The following NUP214 variants were observed in gnomAD, a reference collection of about 807,000 sequenced individuals.
The protein encoded by NUP214 is nucleoporin 214.
A neutral mutation model predicts 196.2 loss-of-function variants in NUP214; 79 were observed. That is an observed-to-expected ratio of 0.40 (90% CI 0.34 to 0.49). The LOEUF (loss-of-function observed/expected upper bound fraction) is 0.49, where lower values mean the gene tolerates loss of function less well. Among genes scored for constraint, NUP214 ranks in the 20% least tolerant of loss-of-function variants. The pLI, the probability that NUP214 is intolerant of heterozygous loss-of-function variation, is 0.58. For synonymous variants in NUP214, 1,020 were observed against 990.5 expected (o/e 1.03, Z -0.56); for missense variants, 2,468 against 2,539.0 (o/e 0.97, Z 0.60).
chr9:131,199,198 T>G (rs1054187294), intron 29 of NUP214, among the ~76,000 whole-genome samples, 183 bp downstream of exon 29: 1 of 152,248 alleles, frequency 6.6e-6, no homozygotes, highest in Non-Finnish European at 1.5e-5. Flanking sequence ...TGGCTGGATC[T>G]GTTACAGCTT....
rs1588147210 is a variant in NUP214, at chr9:131,175,446, T to C, written c.3158-14T>C. On this transcript the variant is annotated splice_polypyrimidine_tract_variant and intron_variant, in intron 22 of 35. Coordinates refer to ENST00000359428, the MANE Select transcript of NUP214 (RefSeq NM_005085.4). ...CTCTCACCCACTCACACTTAATTTT[T>C]CTTTTCCTCTTAGTGGCTACATCTG... The C allele has an allele frequency of 6.8e-6, 11 of 1,614,038 alleles. No individual in the cohort carries two copies. The highest frequency in any genetic ancestry group is 2.2e-5 in the East Asian group (1 of 44,882).
At chr9:131,220,702 G>A (rs1027421148) in intron 31 of NUP214, among the ~76,000 whole-genome samples, 1 of 152,242 alleles carries the variant, frequency 6.6e-6, no homozygotes, top group African/African-American at 2.4e-5. Flanking sequence ...TGTTCTGTGT[G>A]TGGGGAAACT....
Position 131,162,576 on chromosome 9 carries a change from C to T in NUP214, c.2541-415C>T, listed in dbSNP as rs116165783. Among the ~76,000 whole-genome samples the T allele has an allele frequency of 7.5e-3, 1,137 of 152,236 alleles. 13 individuals are homozygous for T. Among genetic ancestry groups the T allele is most frequent in the African/African-American group, 0.025 (1,057 of 41,548 alleles). On this transcript the variant is annotated intron_variant, in intron 18 of 35. Transcript: ENST00000359428. ...TCTTGACAATAGTCTGAAGAATTAA[C>T]TGACTCCCATAGACTTCCAGTGAAC... is the stretch of plus-strand genomic sequence containing the variant.
intron 24 of NUP214, among the ~76,000 whole-genome samples, chr9:131,182,955 A>C (rs1439769980): frequency 1.8e-4 from 28 of 152,202 alleles, no homozygotes; most frequent in Admixed American, 1.8e-3. Flanking sequence ...ATACTATATT[A>C]CTAAAGAATA....
chr9:131,147,962 G>A (rs778717155), intron 14 of NUP214, among the ~76,000 whole-genome samples: 12 of 152,196 alleles, frequency 7.9e-5, no homozygotes, highest in South Asian at 2.1e-4. Flanking sequence ...CAAGGCGGGC[G>A]GATCACCTGA....
rs1409759745 is a variant in NUP214, at chr9:131,228,284, C to G, written c.6027C>G (p.Gly2009=). ...AFTSPLGSTG[G]KVFGEGTAAA... ...CAAGCCCTCTGGGCTCGACGGGAGGCAAAGTGTTCGGAGAGGGCACTGCAG... is the reference window on the plus strand; with the variant it reads ...CAAGCCCTCTGGGCTCGACGGGAGGGAAAGTGTTCGGAGAGGGCACTGCAG... The change falls in exon 33 of 36, where the codon GGC becomes GGG. Residue 2009 remains glycine, a synonymous_variant. Transcript: ENST00000359428. The G allele has an allele frequency of 5.0e-6, 8 of 1,605,156 alleles. No homozygotes were observed. The highest frequency in any genetic ancestry group is 6.8e-6 in the Non-Finnish European group (8 of 1,176,950).
chr9:131,139,282 T>C lies in NUP214; in HGVS notation c.1007T>C (p.Ile336Thr), dbSNP rs746524024. Residue 336 changes from isoleucine to threonine, a missense_variant and splice_region_variant, in exon 10 of 36, where the codon ATT (isoleucine) becomes ACT (threonine). Around this residue, in one of 5 missense-constraint regions of NUP214, gnomAD observed 392 missense variants for 417.9 expected, o/e 0.94. Transcript: ENST00000359428. ...TTTTTTTTTTTTTTTTTTTTTTAGATTAATTGGGAATCTTGGCTACTGGAG... is the reference window on the plus strand; with the variant it reads ...TTTTTTTTTTTTTTTTTTTTTTAGACTAATTGGGAATCTTGGCTACTGGAG... ...VSILARQSDQ[I>T]NWESWLLEDS... The C allele has an allele frequency of 4.8e-6, 7 of 1,448,414 alleles. No homozygotes were observed. The highest frequency in any genetic ancestry group is 6.4e-6 in the Non-Finnish European group (7 of 1,100,666). The allele number at this position is 1,448,414 out of a possible 1,614,324, so 89.7% of individuals were successfully genotyped here.
chr9:131,176,398 G>A (rs1011485384), intron 23 of NUP214, among the ~76,000 whole-genome samples: 2 of 150,878 alleles, frequency 1.3e-5, no homozygotes, highest in Non-Finnish European at 2.9e-5. Flanking sequence ...ATCACGGCTC[G>A]CTGCAGCCTC....
intron 23 of NUP214, 195 bp downstream of exon 23, chr9:131,175,816 A>T: frequency 1.3e-6 from 1 of 783,830 alleles, no homozygotes. Context: ...CTTTGCTTTT[A>T]AGGGGAGGGA....
In NUP214 at chr9:131,163,017, C is replaced by T. The variant is rs1353457735; in HGVS notation, c.2567C>T (p.Thr856Ile). 2 of 1,614,162 alleles carry T rather than the reference C, an allele frequency of 1.2e-6. No individual in the cohort carries two copies. The highest frequency in any genetic ancestry group is 2.2e-5 in the East Asian group (1 of 44,892). ...CACCTGCTTGTGCCAGAGCGAGAGACACTGTTTAACACCCTAGCCAACAAT... is the reference window on the plus strand; with the variant it reads ...CACCTGCTTGTGCCAGAGCGAGAGATACTGTTTAACACCCTAGCCAACAAT... ...QRHLLVPERE[T>I]LFNTLANNRE... is the part of the protein sequence containing the mutation. Residue 856 changes from threonine to isoleucine, a missense_variant, in exon 19 of 36, where the codon ACA becomes ATA. Transcript: ENST00000359428.
At chr9:131,156,293 C>T (rs753918342) in intron 17 of NUP214, among the ~76,000 whole-genome samples, 11 of 152,008 alleles carry the variant, frequency 7.2e-5, no homozygotes, top group Non-Finnish European at 1.3e-4. Flanking sequence ...CCACCACGCC[C>T]GGCTAATTTT....
Position 131,127,585 on chromosome 9 carries a change from A to G in NUP214, c.107A>G (p.Lys36Arg), listed in dbSNP as rs934461763. 6.2e-7 allele frequency: 1 copy of G among 1,614,040 alleles called. No homozygotes were observed. The highest frequency in any genetic ancestry group is 1.3e-5 in the African/African-American group (1 of 74,924). ...RIFDSPEELP[K>R]ERSSLLAVSN... ...TTTGACTCCCCTGAGGAATTGCCCA[A>G]GGAACGCTCGAGTCTGCTTGCTGTG... is the stretch of plus-strand genomic sequence containing the variant. Residue 36 changes from lysine to arginine, a missense_variant, in exon 2 of 36, where the codon AAG becomes AGG. Coordinates refer to ENST00000359428, the MANE Select transcript of NUP214 (RefSeq NM_005085.4).
intron 24 of NUP214, among the ~76,000 whole-genome samples, chr9:131,186,069 T>G (rs1286755383): frequency 6.6e-6 from 1 of 152,238 alleles, no homozygotes; most frequent in Non-Finnish European, 1.5e-5. Context: ...TAAGCAAGTC[T>G]GCTGTGTCTG....
chr9:131,127,557 A>C lies in NUP214; in HGVS notation c.79A>C (p.Ile27Leu). ...FQFRALKKVR[I>L]FDSPEELPKE... ...GTTTAGAGCGCTAAAGAAGGTGAGA[A>C]TCTTTGACTCCCCTGAGGAATTGCC... Residue 27 changes from isoleucine to leucine, a missense_variant, in exon 2 of 36, where the codon ATC (isoleucine) becomes CTC (leucine). Ile to Leu is a conservative substitution (Grantham distance 5, BLOSUM62 2). Transcript: ENST00000359428. The C allele has an allele frequency of 6.2e-7, 1 of 1,613,510 alleles. No homozygotes were observed. The highest frequency in any genetic ancestry group is 1.1e-5 in the South Asian group (1 of 90,912).
chr9:131,185,583 C>G (rs146007840), intron 24 of NUP214, among the ~76,000 whole-genome samples: 38 of 152,328 alleles, frequency 2.5e-4, no homozygotes, highest in Admixed American at 2.1e-3. Context: ...TTTTCTATCT[C>G]TTGATCATTT....
intron 8 of NUP214, 128 bp from the exon 9 acceptor site, chr9:131,135,812 C>A: frequency 1.5e-6 from 1 of 651,218 alleles, no homozygotes; most frequent in Non-Finnish European, 2.7e-6. Flanking sequence ...CTTTGTTCAA[C>A]CAGATAAAAA....
At chr9:131,173,882 G>T (rs1833024947) in intron 21 of NUP214, among the ~76,000 whole-genome samples, 173 bp from the exon 22 acceptor site, 1 of 151,870 alleles carries the variant, frequency 6.6e-6, no homozygotes, top group Non-Finnish European at 1.5e-5. Flanking sequence ...TCTGAGCAAA[G>T]ACCCAAAACC....
intron 1 of NUP214, among the ~76,000 whole-genome samples, chr9:131,126,637 T>A (rs1831362731): frequency 6.6e-6 from 1 of 150,494 alleles, no homozygotes; most frequent in Non-Finnish European, 1.5e-5. Flanking sequence ...AACCTCCACC[T>A]CCCCGGCTCA....
At chr9:131,193,555 A>G (rs1833672862) in intron 27 of NUP214, among the ~76,000 whole-genome samples, 2 of 149,774 alleles carry the variant, frequency 1.3e-5, no homozygotes, top group Non-Finnish European at 3.0e-5. Flanking sequence ...GAGTAGGTCA[A>G]TGCCAAGAAT....
Sources: gnomAD v4.1 joint callset for allele counts (sites outside exome capture counted in the v4.1 genomes callset) on GRCh38, gnomAD v4.1.1 for gene constraint, gnomAD v4.1.1 regional missense constraint, MANE v1.5 for transcripts, NCBI Gene and HGNC (gene_info 2026-07-23, HGNC 2026-07-21) for gene names.